PLA2R1: variants seen among roughly 807,000 people sequenced by gnomAD.
PLA2R1 encodes secretory phospholipase A2 receptor.
PLA2R1 carries 158 observed loss-of-function variants against 195.9 expected under a neutral mutation model. The observed-to-expected ratio is 0.81, with a 90% CI of 0.71 to 0.92. The LOEUF is 0.92. Among genes scored for constraint, PLA2R1 ranks in the 40% least tolerant of loss-of-function variants. The probability of loss-of-function intolerance (pLI) is 0.00; values close to 1 mark genes in which losing one functional copy is unlikely to be tolerated. For synonymous variants in PLA2R1, 586 were observed against 598.2 expected (o/e 0.98, Z 0.30); for missense variants, 1,626 against 1,764.6 (o/e 0.92, Z 1.41).
At chr2:159,993,080 C>T (rs1455772807) in intron 11 of PLA2R1, among the ~76,000 whole-genome samples, 3 of 152,136 alleles carry the variant, frequency 2.0e-5, no homozygotes, top group Non-Finnish European at 4.4e-5. Context: ...TATTCTCTTT[C>T]ACCATAGAGC....
At chr2:159,950,554 T>C (rs1687668691) in intron 24 of PLA2R1, among the ~76,000 whole-genome samples, 1 of 152,240 alleles carries the variant, frequency 6.6e-6, no homozygotes, top group Non-Finnish European at 1.5e-5. Context: ...TGGTATATCC[T>C]TACATGCTGC....
intron 20 of PLA2R1, among the ~76,000 whole-genome samples, chr2:159,959,863 T>G (rs996760002): frequency 5.3e-5 from 8 of 152,160 alleles, no homozygotes; most frequent in African/African-American, 1.9e-4. Context: ...CCTCATGGTC[T>G]CTGCCACCAC....
chr2:160,016,947 C>T (rs529918127), intron 8 of PLA2R1, among the ~76,000 whole-genome samples: 1 of 152,274 alleles, frequency 6.6e-6, no homozygotes, highest in African/African-American at 2.4e-5. Context: ...AGAGAGGGAG[C>T]AACTATTAAC....
chr2:159,969,200 C>T, intron 19 of PLA2R1, 56 bp downstream of exon 19: 1 of 822,558 alleles, frequency 1.2e-6, no homozygotes, highest in South Asian at 1.5e-5. Context: ...AGACTTTAAG[C>T]CTCCTGAAAA....
intron 17 of PLA2R1, among the ~76,000 whole-genome samples, chr2:159,975,529 T>C (rs1689482984): frequency 1.2e-5 from 1 of 83,648 alleles, no homozygotes; most frequent in Admixed American, 1.5e-4. Context: ...AAAAATAATG[T>C]ACTCTTGTAA....
intron 24 of PLA2R1, among the ~76,000 whole-genome samples, chr2:159,950,854 A>C (rs1028113289): frequency 6.6e-6 from 1 of 152,254 alleles, no homozygotes; most frequent in Non-Finnish European, 1.5e-5. Context: ...ATTTAAAAAA[A>C]TGAAAATAAC....
At chr2:160,055,488 G>A (rs1252655406) in intron 1 of PLA2R1, among the ~76,000 whole-genome samples, 1 of 152,190 alleles carries the variant, frequency 6.6e-6, no homozygotes, top group Non-Finnish European at 1.5e-5. Flanking sequence ...TCCCACATGT[G>A]GAAGGAGGGG....
intron 1 of PLA2R1, among the ~76,000 whole-genome samples, chr2:160,061,764 G>T (rs1003780566): frequency 6.6e-6 from 1 of 152,150 alleles, no homozygotes; most frequent in African/African-American, 2.4e-5. Flanking sequence ...GACAGAGCAA[G>T]ACCCTGTCTC....
At chr2:159,963,599 C>T (rs1688591464) in intron 20 of PLA2R1, among the ~76,000 whole-genome samples, 1 of 151,994 alleles carries the variant, frequency 6.6e-6, no homozygotes, top group Non-Finnish European at 1.5e-5. Context: ...GACATTTTTC[C>T]AAAGAAGATA....
At chr2:160,022,599 C>A in intron 7 of PLA2R1, 66 bp downstream of exon 7, 1 of 866,680 alleles carries the variant, frequency 1.2e-6, no homozygotes, top group South Asian at 2.9e-5. Context: ...CTTTTCAACT[C>A]CACTAATAAA....
chr2:159,965,470 G>C (rs1322030025), intron 20 of PLA2R1, among the ~76,000 whole-genome samples: 1 of 152,054 alleles, frequency 6.6e-6, no homozygotes. Flanking sequence ...TGTTTTAAAG[G>C]CTTGATAGCT....
At chr2:160,051,386 G>A (rs911312602) in intron 1 of PLA2R1, among the ~76,000 whole-genome samples, 1 of 152,228 alleles carries the variant, frequency 6.6e-6, no homozygotes, top group African/African-American at 2.4e-5. Flanking sequence ...CTAGTGCTGG[G>A]CTCAAGCCCT....
At chr2:159,973,576 G>A (rs1689331040) in intron 17 of PLA2R1, among the ~76,000 whole-genome samples, 1 of 151,876 alleles carries the variant, frequency 6.6e-6, no homozygotes, top group Non-Finnish European at 1.5e-5. Flanking sequence ...CCAGGAAGTG[G>A]GCATTCACCA....
In PLA2R1 at chr2:159,951,582, G is replaced by C. The variant is rs200620143; in HGVS notation, c.3302-4C>G. 790 of 1,412,168 alleles carry C rather than the reference G, an allele frequency of 5.6e-4. 1 individual carries two copies. The highest frequency in any genetic ancestry group is 7.7e-4 in the Non-Finnish European group (769 of 993,920). The allele number at this position is 1,412,168 out of a possible 1,614,324, so 87.5% of individuals were successfully genotyped here. A position where few individuals can be genotyped will look rare whatever the true frequency, so the allele number is the denominator to read the frequency against. ...TTTACACCGTGTCCAGAAGTATCTA[G>C]AACAAGAACAGCAACAAAAGTCATT... On this transcript the variant is annotated splice_region_variant and splice_polypyrimidine_tract_variant and intron_variant, in intron 23 of 29. Transcript: ENST00000283243.
In PLA2R1 at chr2:160,044,784, A is replaced by G. The variant is rs1309097854; in HGVS notation, c.483T>C (p.Tyr161=). The G allele has an allele frequency of 6.2e-7, 1 of 1,610,174 alleles. No individual in the cohort carries two copies. Among genetic ancestry groups the G allele is most frequent in the East Asian group, 2.2e-5 (1 of 44,802 alleles). The change falls in exon 2 of 30, where the codon TAT becomes TAC. Residue 161 remains tyrosine (Y), a synonymous_variant. Coordinates refer to ENST00000283243, the MANE Select transcript of PLA2R1 (RefSeq NM_007366.5). Reference sequence around the variant, plus strand: ...TTAAATTATTTTTACCTTTGTGTAGATATTCACAAATGTCTCCACCACCTG... The same window carrying G: ...TTAAATTATTTTTACCTTTGTGTAGGTATTCACAAATGTCTCCACCACCTG... The part of the protein sequence containing the change: ...YGSGGGDICE[Y]LHKDLHTIKG...
Position 160,022,751 on chromosome 2 carries a change from A to T in PLA2R1, c.1208T>A (p.Leu403Gln). ...ACTGTTATCAGCCTGACAAGAACGC[A>T]GAGCCTCATGCCAGGTCTTTTCTTC... The part of the protein sequence containing the change: ...QKEEKTWHEA[L>Q]RSCQADNSAL... The change falls in exon 7 of 30, where the codon CTG (leucine) becomes CAG (glutamine). Residue 403 changes from leucine (L) to glutamine (Q), a missense_variant. Physicochemically the swap from Leu to Gln is moderately radical, Grantham distance 113 (BLOSUM62 -2). Coordinates refer to ENST00000283243, the MANE Select transcript of PLA2R1 (RefSeq NM_007366.5). 3 of 1,613,394 alleles carry T rather than the reference A, an allele frequency of 1.9e-6. No homozygotes were observed. The South Asian group carries it at 3.3e-5, about 18-fold the overall frequency.
intron 14 of PLA2R1, among the ~76,000 whole-genome samples, chr2:159,977,929 C>CA (rs1364367732): frequency 3.3e-5 from 5 of 150,978 alleles, no homozygotes; most frequent in African/African-American, 4.9e-5. Context: ...GACTCTGTCT[C>CA]AAAAAAAATA....
chr2:159,929,790 T>C (rs1056242892), downstream of PLA2R1, among the ~76,000 whole-genome samples: 2 of 151,008 alleles, frequency 1.3e-5, no homozygotes, highest in African/African-American at 2.5e-5. Flanking sequence ...AGAAATTGTA[T>C]ATGTATATGT....
chr2:160,044,247 C>G (rs1349785042), intron 2 of PLA2R1, among the ~76,000 whole-genome samples: 2 of 152,120 alleles, frequency 1.3e-5, no homozygotes, highest in African/African-American at 4.8e-5. Context: ...CCAAATAACC[C>G]CCGACAATAG....
Sources: allele counts gnomAD v4.1 joint callset (sites outside exome capture counted in the v4.1 genomes callset), GRCh38; gene constraint gnomAD v4.1.1; transcripts MANE v1.5; gene names NCBI Gene and HGNC (gene_info 2026-07-23, HGNC 2026-07-21).